Variants in PTPRN2 observed in about 807,000 individuals in gnomAD.
PTPRN2 encodes protein tyrosine phosphatase receptor type N2.
In PTPRN2, 74 loss-of-function variants were observed where a neutral mutation model predicts 118.8. The observed-to-expected ratio is 0.62, with a 90% CI of 0.52 to 0.76. PTPRN2 has a LOEUF of 0.76. Ranked by LOEUF, PTPRN2 falls within the 30% of genes least tolerant of loss-of-function variation. The probability of loss-of-function intolerance (pLI) is 0.00; values close to 1 mark genes in which losing one functional copy is unlikely to be tolerated. For missense variants in PTPRN2, 1,481 were observed against 1,394.4 expected (o/e 1.06, Z -0.99); for synonymous variants, 641 against 608.0 (o/e 1.05, Z -0.80).
At position 158,424,062 on chromosome 7, in the gene PTPRN2, G is replaced by A. The variant is rs140612646; in HGVS notation, c.163+65673C>T. Among the ~76,000 whole-genome samples the A allele has an allele frequency of 4.7e-3, 720 of 152,282 alleles. 5 individuals carry two copies. Among genetic ancestry groups the A allele is most frequent in the Non-Finnish European group, 7.7e-3 (523 of 68,022 alleles). Reference sequence around the variant, plus strand: ...GTCTCCGAGCAGAGAGGCAGCCGTCGGATTCCGGAACCTGCTGGACCACCC... The same window carrying A: ...GTCTCCGAGCAGAGAGGCAGCCGTCAGATTCCGGAACCTGCTGGACCACCC... On this transcript the variant is annotated intron_variant, in intron 2 of 22. Transcript: ENST00000389418.
At chr7:157,675,015 G>A (rs185409224) in intron 13 of PTPRN2, among the ~76,000 whole-genome samples, 1 of 152,292 alleles carries the variant, frequency 6.6e-6, no homozygotes, top group East Asian at 1.9e-4. Flanking sequence ...AGCGCCCCTT[G>A]GGTGGGACTT....
chr7:157,626,957 G>A (rs533351335), intron 14 of PTPRN2, among the ~76,000 whole-genome samples: 1 of 152,344 alleles, frequency 6.6e-6, no homozygotes, highest in South Asian at 2.1e-4. Context: ...ACAGACAGGT[G>A]TCAGCTCATT....
intron 11 of PTPRN2, among the ~76,000 whole-genome samples, chr7:157,988,627 A>G (rs1159249598): frequency 6.6e-5 from 10 of 152,242 alleles, no homozygotes; most frequent in Non-Finnish European, 1.3e-4. Flanking sequence ...CTCAGTCTGC[A>G]AGCCCCAGGG....
At chr7:158,340,404 C>G (rs1199419850) in intron 2 of PTPRN2, among the ~76,000 whole-genome samples, 1 of 81,378 alleles carries the variant, frequency 1.2e-5, no homozygotes, top group African/African-American at 4.0e-5. Context: ...GAGCTGACAC[C>G]CGCAGACGTC....
In PTPRN2 at chr7:158,563,774, G is replaced by T. The variant is rs1336230761; in HGVS notation, c.112+23784C>A. Among the ~76,000 whole-genome samples the T allele has an allele frequency of 6.6e-6, 1 of 152,232 alleles. No individual in the cohort carries two copies. The highest frequency in any genetic ancestry group is 1.5e-5 in the Non-Finnish European group (1 of 68,048). ...CTCCCTCCCTTCCCCTTATCCCTCA[G>T]ATTGTGAAGAAACAAGTGAGGTCTT... On this transcript the variant is annotated intron_variant, in intron 1 of 22. Transcript: ENST00000389418. This position sits in a 1 kb window ranked among gnomAD's most constrained non-coding sequence, Gnocchi z 5.1.
At chr7:158,522,651 T>C (rs1416070789) in intron 1 of PTPRN2, among the ~76,000 whole-genome samples, 1 of 152,238 alleles carries the variant, frequency 6.6e-6, no homozygotes, top group Non-Finnish European at 1.5e-5. Flanking sequence ...ATGCAGTCTG[T>C]GGACACAGAT....
intron 11 of PTPRN2, among the ~76,000 whole-genome samples, chr7:157,978,995 T>A (rs1448439903): frequency 2.0e-5 from 3 of 152,050 alleles, no homozygotes; most frequent in African/African-American, 7.2e-5. Context: ...GAGTTGACTC[T>A]GCAGAGCACT....
rs1195242416 is a variant in PTPRN2, at chr7:158,460,529, G to A, written c.163+29206C>T. On this transcript the variant is annotated intron_variant, in intron 2 of 22. Transcript: ENST00000389418. ...GACTCTATCTACATGCTCCTCCTAC[G>A]GGGGCTGTGTGCCGAGACCACAGGA... 4.3e-5 allele frequency among the ~76,000 whole-genome samples: 6 copies of A among 138,082 alleles called. 1 individual carries two copies. The Middle Eastern group carries it at 0.013, about 293-fold the overall frequency. The allele number at this position is 138,082 out of a possible 152,430, so 90.6% of individuals were successfully genotyped here.
At position 158,124,823 on chromosome 7, in the gene PTPRN2, T is replaced by G. The variant is rs577818009; in HGVS notation, c.1556+8854A>C. ...GGTCTGTATCTCAGGACCAGTGGAG[T>G]CACAGCCAGATTCCAACAGGAGAGG... On this transcript the variant is annotated intron_variant, in intron 9 of 22. Coordinates refer to ENST00000389418, the MANE Select transcript of PTPRN2 (RefSeq NM_002847.5). 7.9e-5 allele frequency among the ~76,000 whole-genome samples: 12 copies of G among 152,086 alleles called. No individual in the cohort carries two copies. The South Asian group carries it at 1.9e-3, about 24-fold the overall frequency.
chr7:158,373,395 T>C (rs10248330), intron 2 of PTPRN2, among the ~76,000 whole-genome samples: 20,336 of 152,316 alleles, frequency 0.13, 1,938 homozygotes, highest in African/African-American at 0.26. Flanking sequence ...TAGCGTTAGC[T>C]GCATGTTCTT....
chr7:158,176,279 T>C (rs565105334), intron 5 of PTPRN2, among the ~76,000 whole-genome samples: 39 of 152,284 alleles, frequency 2.6e-4, no homozygotes, highest in Admixed American at 5.9e-4. Context: ...GGAGGGACAG[T>C]CATCGCCACG....
chr7:158,105,411 T>C (rs940725372), intron 10 of PTPRN2, among the ~76,000 whole-genome samples: 1 of 146,374 alleles, frequency 6.8e-6, no homozygotes, highest in Non-Finnish European at 1.5e-5. Context: ...TCCGTCAAAC[T>C]CCATCCCAGC....
intron 11 of PTPRN2, among the ~76,000 whole-genome samples, chr7:158,073,628 G>C (rs1399265269): frequency 6.7e-6 from 1 of 150,116 alleles, no homozygotes; most frequent in East Asian, 1.9e-4. Flanking sequence ...TTTCTATGCG[G>C]AGATGAGGCC....
At position 158,199,773 on chromosome 7, in the gene PTPRN2, T is replaced by A. The variant is rs540147474; in HGVS notation, c.380+5398A>T. ...CCTTCACCACCATTTATCCAACAAATGCTGGCCCAGGGTCCATCTGGTGAA... is the reference window on the plus strand; with the variant it reads ...CCTTCACCACCATTTATCCAACAAAAGCTGGCCCAGGGTCCATCTGGTGAA... On this transcript the variant is annotated intron_variant, in intron 4 of 22. Coordinates refer to ENST00000389418, the MANE Select transcript of PTPRN2 (RefSeq NM_002847.5). Among the ~76,000 whole-genome samples, 8 of 151,622 alleles carry A rather than the reference T, an allele frequency of 5.3e-5. No individual in the cohort carries two copies. In the East Asian group the frequency reaches 1.6e-3, roughly 30 times the overall value.
chr7:158,279,074 C>T (rs774577555), intron 3 of PTPRN2, among the ~76,000 whole-genome samples: 1 of 152,154 alleles, frequency 6.6e-6, no homozygotes, highest in Non-Finnish European at 1.5e-5. Flanking sequence ...AGCAAAAAAA[C>T]AAACCCTCCA....
intron 2 of PTPRN2, among the ~76,000 whole-genome samples, chr7:158,458,128 C>T (rs1439352052): frequency 6.6e-6 from 1 of 152,168 alleles, no homozygotes; most frequent in Admixed American, 6.5e-5. Context: ...CACAGCAAAC[C>T]TTATTAAATA....
At chr7:158,209,535 C>T (rs1364770322) in intron 3 of PTPRN2, among the ~76,000 whole-genome samples, 2 of 152,166 alleles carry the variant, frequency 1.3e-5, no homozygotes, top group Non-Finnish European at 2.9e-5. Context: ...ACTGGAGCAT[C>T]CAGATATATA....
At chr7:157,790,214 CGT>C (rs1268827455) in intron 12 of PTPRN2, among the ~76,000 whole-genome samples, 1 of 69,138 alleles carries the variant, frequency 1.4e-5, no homozygotes, top group African/African-American at 6.0e-5. Context: ...GGGGTGGTGA[CGT>C]GTGTGTATGG....
At chr7:157,696,174 G>A (rs1343095906) in intron 12 of PTPRN2, among the ~76,000 whole-genome samples, 6 of 118,568 alleles carry the variant, frequency 5.1e-5, no homozygotes, top group East Asian at 2.7e-4. Context: ...ACTGGGTCTT[G>A]GGAGAGCCCT....
Sources: allele counts gnomAD v4.1 joint callset (sites outside exome capture counted in the v4.1 genomes callset), GRCh38; gene constraint gnomAD v4.1.1; non-coding constraint Gnocchi (gnomAD v3.1); transcripts MANE v1.5; gene names NCBI Gene and HGNC (gene_info 2026-07-23, HGNC 2026-07-21).